CENPE: variants seen among roughly 807,000 people sequenced by gnomAD.
CENPE encodes centromere-associated protein E.
CENPE carries 145 observed loss-of-function variants against 336.1 expected under a neutral mutation model. The observed-to-expected ratio is 0.43, with a 90% CI of 0.38 to 0.50. CENPE has a LOEUF of 0.50. Among genes scored for constraint, CENPE ranks in the 20% least tolerant of loss-of-function variants. CENPE has a pLI of 0.00. For synonymous variants in CENPE, 1,013 were observed against 984.8 expected (o/e 1.03, Z -0.54); for missense variants, 2,719 against 3,023.3 (o/e 0.90, Z 2.36).
chr4:103,192,385 AGTT>A (rs1431930990), intron 8 of CENPE, among the ~76,000 whole-genome samples: 1 of 152,228 alleles, frequency 6.6e-6, no homozygotes, highest in Non-Finnish European at 1.5e-5. Flanking sequence ...AAGGAAATAA[AGTT>A]AGATTGGTTA....
intron 24 of CENPE, 106 bp from the exon 25 acceptor site, chr4:103,153,356 A>G (rs1397736824): frequency 5.9e-6 from 4 of 677,726 alleles, no homozygotes; most frequent in Non-Finnish European, 9.9e-6. Context: ...TACTATTCTC[A>G]TATCTTAACA....
chr4:103,195,772 G>A lies in CENPE; in HGVS notation c.357+148C>T, dbSNP rs922338824. The A allele has an allele frequency of 1.9e-5, 12 of 631,640 alleles. No homozygotes were observed. In the African/African-American group the frequency reaches 2.2e-4, roughly 12 times the overall value. 39.1% of individuals were successfully genotyped at this position (631,640 alleles called of 1,614,324 possible). ...GTTGTGGAGATAAAAGTGAATCTAT[G>A]CTATGCCTTTCTTCTTTCCCCATGG... On this transcript the variant is annotated intron_variant, in intron 4 of 48. Transcript: ENST00000265148.
chr4:103,143,776 AC>A (rs1752764528), intron 33 of CENPE, among the ~76,000 whole-genome samples: 1 of 152,178 alleles, frequency 6.6e-6, no homozygotes, highest in Non-Finnish European at 1.5e-5. Context: ...AGAATATCCT[AC>A]AAATATCTTT....
In CENPE at chr4:103,134,611, G is replaced by A. The variant is rs187533593; in HGVS notation, c.6523-719C>T. On this transcript the variant is annotated intron_variant, in intron 40 of 48. Coordinates refer to ENST00000265148, the MANE Select transcript of CENPE (RefSeq NM_001813.3). ...TCATCACACCACTGCACTCCAGCCT[G>A]GGCAACAGAGCAAGACTCCGTCTCA... 5.7e-4 allele frequency among the ~76,000 whole-genome samples: 81 copies of A among 141,314 alleles called. 1 individual carries two copies. In the East Asian group the frequency reaches 0.013, roughly 23 times the overall value. The allele number at this position is 141,314 out of a possible 152,430, so 92.7% of individuals were successfully genotyped here. A position where few individuals can be genotyped will look rare whatever the true frequency, so the allele number is the denominator to read the frequency against.
intron 16 of CENPE, among the ~76,000 whole-genome samples, chr4:103,166,685 A>G (rs1412956606): frequency 1.3e-5 from 2 of 152,352 alleles, no homozygotes; most frequent in African/African-American, 4.8e-5. Flanking sequence ...GGCTAGCCAC[A>G]TAGAAGTCTG....
chr4:103,133,474 G>A (rs1010237569), intron 41 of CENPE, among the ~76,000 whole-genome samples: 2 of 152,112 alleles, frequency 1.3e-5, no homozygotes, highest in Non-Finnish European at 2.9e-5. Flanking sequence ...GTAATAAAGC[G>A]GTTTCTGACT....
intron 11 of CENPE, 44 bp from the exon 12 acceptor site, chr4:103,181,500 A>G: frequency 6.6e-7 from 1 of 1,504,390 alleles, no homozygotes. Flanking sequence ...ACACTTAAAA[A>G]AATTCGAATT....
intron 16 of CENPE, among the ~76,000 whole-genome samples, chr4:103,163,933 G>T (rs1754693362): frequency 6.6e-6 from 1 of 152,044 alleles, no homozygotes; most frequent in Non-Finnish European, 1.5e-5. Flanking sequence ...TTTGTTTTCA[G>T]TCAGTTAAGT....
chr4:103,161,520 G>C (rs1330283200), intron 18 of CENPE, 63 bp from the exon 19 acceptor site: 1 of 1,467,152 alleles, frequency 6.8e-7, no homozygotes, highest in Non-Finnish European at 9.1e-7. Flanking sequence ...AAATTCTTAA[G>C]AGAACATGTA....
intron 8 of CENPE, among the ~76,000 whole-genome samples, chr4:103,192,132 A>C (rs1311897549): frequency 1.3e-5 from 2 of 152,214 alleles, no homozygotes; most frequent in Non-Finnish European, 2.9e-5. Flanking sequence ...ATTTGAAAGA[A>C]AGTCAAAGCT....
rs772984712 is a variant in CENPE, at chr4:103,151,254, T to G, written c.3361A>C (p.Arg1121=). The G allele has an allele frequency of 6.2e-7, 1 of 1,601,922 alleles. No individual in the cohort carries two copies. The highest frequency in any genetic ancestry group is 2.2e-5 in the East Asian group (1 of 44,624). ...AGTTTTTCTTCAACTTCTGCCAGTC[T>G]GTCACAGGTCCTAGAAAGCTCTCCT... ...KEGELSRTCD[R]LAEVEEKLKE... is the part of the protein sequence containing the mutation. The change falls in exon 26 of 49, where the codon AGA becomes CGA. Residue 1121 remains arginine (R), a synonymous_variant. Transcript: ENST00000265148.
In CENPE at chr4:103,109,050, C is replaced by T. The variant is rs61758372; in HGVS notation, c.7764G>A (p.Lys2588=). The change falls in exon 48 of 49, where the codon AAG becomes AAA. Residue 2588 remains lysine, a synonymous_variant. Transcript: ENST00000265148. ...GAGCCTCTCTTTTAAGGGTTCTTTC[C>T]TTCCAAGTTTTGACCTCATTGGAAA... ...QHLSNEVKTW[K]ERTLKREAHK... The T allele has an allele frequency of 1.8e-3, 2,962 of 1,613,006 alleles. 51 individuals are homozygous for T. The African/African-American group carries it at 0.035, about 19-fold the overall frequency.
intron 8 of CENPE, among the ~76,000 whole-genome samples, chr4:103,186,901 C>T (rs1391258622): frequency 6.6e-6 from 1 of 152,100 alleles, no homozygotes; most frequent in African/African-American, 2.4e-5. Flanking sequence ...ATAGCCAAAA[C>T]ACTTAGTCAC....
rs187239317 is a variant in CENPE, at chr4:103,170,848, T to G, written c.1647+3888A>C. ...GGAAAGGAAGGGGTGGAAAAAGATA[T>G]TCCATGCAAACTGAAATTGTAAGAG... On this transcript the variant is annotated intron_variant, in intron 16 of 48. Transcript: ENST00000265148. 1.4e-3 allele frequency among the ~76,000 whole-genome samples: 216 copies of G among 152,206 alleles called. 4 individuals are homozygous for G. Among genetic ancestry groups the G allele is most frequent in the Non-Finnish European group, 2.8e-4 (19 of 67,980 alleles).
At chr4:103,182,984 G>C in intron 10 of CENPE, 93 bp from the exon 11 acceptor site, 1 of 1,300,392 alleles carries the variant, frequency 7.7e-7, no homozygotes, top group Non-Finnish European at 1.1e-6. Context: ...AAATCAGCCA[G>C]AGTTTCAAAA....
At chr4:103,108,500 T>C (rs1749096593) in intron 48 of CENPE, among the ~76,000 whole-genome samples, 1 of 152,176 alleles carries the variant, frequency 6.6e-6, no homozygotes, top group Non-Finnish European at 1.5e-5. Flanking sequence ...GACTTTTCAG[T>C]AAAAGTTGCT....
rs114326291 is a variant in CENPE at position 103,124,545 on chromosome 4, G to A, written c.6925-1456C>T. ...GCTAGAAACTTAACAATTATCTATT[G>A]TCCTGCTTCATTACAAACCTCAATG... is the stretch of plus-strand genomic sequence containing the variant. On this transcript the variant is annotated intron_variant, in intron 42 of 48. Transcript: ENST00000265148. Among the ~76,000 whole-genome samples, 639 of 152,216 alleles carry A rather than the reference G, an allele frequency of 4.2e-3. 4 individuals are homozygous for A. Among genetic ancestry groups the A allele is most frequent in the African/African-American group, 0.015 (608 of 41,544 alleles).
intron 45 of CENPE, among the ~76,000 whole-genome samples, chr4:103,115,278 C>T (rs1030204613): frequency 2.0e-5 from 3 of 152,002 alleles, no homozygotes; most frequent in Non-Finnish European, 2.9e-5. Flanking sequence ...GGATTACAGG[C>T]ACCTGCCACC....
chr4:103,166,008 T>C (rs575836922), intron 16 of CENPE, among the ~76,000 whole-genome samples: 1 of 152,246 alleles, frequency 6.6e-6, no homozygotes, highest in South Asian at 2.1e-4. Flanking sequence ...TGTGGTATTT[T>C]TGTAATCTTT....
Sources: gnomAD v4.1 joint callset for allele counts (sites outside exome capture counted in the v4.1 genomes callset) on GRCh38, gnomAD v4.1.1 for gene constraint, MANE v1.5 for transcripts, NCBI Gene and HGNC (gene_info 2026-07-23, HGNC 2026-07-21) for gene names.